SMARCA4: variants seen among roughly 807,000 people sequenced by gnomAD.
The protein encoded by SMARCA4 is SWI/SNF related BAF chromatin remodeling complex subunit ATPase 4.
A neutral mutation model predicts 193.9 loss-of-function variants in SMARCA4; 31 were observed. That is an observed-to-expected ratio of 0.16 (90% CI 0.12 to 0.22). The LOEUF is 0.22. Ranked by LOEUF, SMARCA4 falls within the 10% of genes least tolerant of loss-of-function variation. SMARCA4 has a pLI of 1.00. For synonymous variants in SMARCA4, 942 were observed against 933.1 expected (o/e 1.01, Z -0.17); for missense variants, 1,148 against 2,296.0 (o/e 0.50, Z 10.22).
Position 10,986,942 on chromosome 19 carries a change from G to A in SMARCA4, c.798G>A (p.Ser266=), listed in dbSNP as rs1166644954. 3.1e-6 allele frequency: 5 copies of A among 1,611,756 alleles called. No individual in the cohort carries two copies. The South Asian group carries it at 3.3e-5, about 11-fold the overall frequency. The change falls in exon 5 of 35, where the codon TCG becomes TCA. Residue 266 remains serine, a synonymous_variant. Transcript: ENST00000344626. This position sits in a 1 kb window ranked among gnomAD's most constrained non-coding sequence, Gnocchi z 6.7. The stretch of plus-strand genomic sequence containing the variant: ...CCAACATGCCTCCCCCAGGACCCTC[G>A]GGCGTGCCCCCCGGGATGCCAGGCC... ...GGPNMPPPGP[S]GVPPGMPGQP... is the part of the protein sequence containing the mutation.
intron 21 of SMARCA4, 102 bp downstream of exon 21, chr19:11,024,540 G>A: frequency 1.3e-6 from 1 of 773,860 alleles, no homozygotes; most frequent in Non-Finnish European, 2.3e-6. Context: ...TCATGATCTG[G>A]TCATGATCCC....
At chr19:10,999,262 C>G (rs923517509) in intron 11 of SMARCA4, among the ~76,000 whole-genome samples, 6 of 152,106 alleles carry the variant, frequency 3.9e-5, no homozygotes, top group Non-Finnish European at 7.4e-5. Flanking sequence ...TTTGGGGGTG[C>G]TTCCTGCTAG....
At chr19:10,966,462 CA>C (rs2084227615) in intron 1 of SMARCA4, among the ~76,000 whole-genome samples, 1 of 151,480 alleles carries the variant, frequency 6.6e-6, no homozygotes, top group Non-Finnish European at 1.5e-5. Context: ...CATGGTGTTG[CA>C]CACCTGTAGT....
rs2075072396 is a variant in SMARCA4, at chr19:11,033,559, G to GT, written c.3774+43dup. The GT allele has an allele frequency of 6.8e-7, 1 of 1,465,938 alleles. No homozygotes were observed. Among genetic ancestry groups the GT allele is most frequent in the African/African-American group, 1.4e-5 (1 of 72,156 alleles). The allele number at this position is 1,465,938 out of a possible 1,614,324, so 90.8% of individuals were successfully genotyped here. ...CCCCGACCCCTCCCCAGCGTGAATGGTGGACGCGTGAGCGGCTTTCATTTT... is the reference window on the plus strand; with the variant it reads ...CCCCGACCCCTCCCCAGCGTGAATGGTTGGACGCGTGAGCGGCTTTCATTTT... On this transcript the variant is annotated intron_variant, in intron 26 of 34. Transcript: ENST00000344626. The surrounding 1 kb of genome is among the most constrained non-coding windows in gnomAD (Gnocchi z 9.8).
chr19:11,013,222 A>G (rs1216543676), intron 16 of SMARCA4, 110 bp downstream of exon 16: 5 of 1,311,136 alleles, frequency 3.8e-6, no homozygotes, highest in African/African-American at 1.5e-5. Flanking sequence ...AATTACAGAA[A>G]TTTGTTTTCC....
At position 11,008,040 on chromosome 19, in the gene SMARCA4, C is replaced by G. The variant is rs1459569634; in HGVS notation, c.2123+17C>G. ...CATCATTGAGTAAGGGGTCCCGACA[C>G]AGGTTGTTCTGTGCCAGCTTCCTGT... On this transcript the variant is annotated intron_variant, in intron 14 of 34. Transcript: ENST00000344626. The G allele has an allele frequency of 1.2e-6, 2 of 1,610,824 alleles. No individual in the cohort carries two copies. Among genetic ancestry groups the G allele is most frequent in the Non-Finnish European group, 1.7e-6 (2 of 1,178,272 alleles).
chr19:10,972,409 T>A (rs1201665220), intron 1 of SMARCA4, among the ~76,000 whole-genome samples: 2 of 151,974 alleles, frequency 1.3e-5, no homozygotes, highest in Non-Finnish European at 2.9e-5. Flanking sequence ...AATACTTTTT[T>A]TTTTTTTTAA....
At chr19:11,022,001 T>A (rs1568487411) in intron 19 of SMARCA4, 34 bp downstream of exon 19, 7 of 1,611,120 alleles carry the variant, frequency 4.3e-6, no homozygotes, top group Non-Finnish European at 5.9e-6. Flanking sequence ...TGCTGACGGT[T>A]CCAGGTGCGG....
At chr19:11,047,191 G>T (rs1002914542) in intron 30 of SMARCA4, among the ~76,000 whole-genome samples, 2 of 152,064 alleles carry the variant, frequency 1.3e-5, no homozygotes, top group Non-Finnish European at 2.9e-5. Flanking sequence ...TTGCAGTTAT[G>T]ATTTATTACA....
intron 18 of SMARCA4, chr19:11,020,996 A>G (rs1467127347): frequency 3.8e-5 from 6 of 156,772 alleles, no homozygotes; most frequent in Non-Finnish European, 8.5e-5. Flanking sequence ...CCCGGAGCCA[A>G]CAAGGGAGGA....
intron 34 of SMARCA4, 63 bp from the exon 35 acceptor site, chr19:11,061,721 C>G (rs180785286): frequency 2.7e-6 from 4 of 1,506,914 alleles, no homozygotes; most frequent in Non-Finnish European, 3.7e-6. Context: ...TTTGGCAGGT[C>G]CCTGGCAAGG....
At position 10,985,224 on chromosome 19, in the gene SMARCA4, A is replaced by G. The variant is rs148835854; in HGVS notation, c.223-49A>G. On this transcript the variant is annotated intron_variant, in intron 2 of 34. Transcript: ENST00000344626. The surrounding 1 kb of genome is among the most constrained non-coding windows in gnomAD (Gnocchi z 4.5). The stretch of plus-strand genomic sequence containing the variant: ...TCGGGCAGCGCATAGCTGCGCTGCC[A>G]CCTCACGTTCCACATGCTGACCCTG... 8.8e-4 allele frequency: 1,411 copies of G among 1,609,882 alleles called. 10 individuals carry two copies. In the African/African-American group the frequency reaches 0.016, roughly 18 times the overall value.
Position 11,059,901 on chromosome 19 carries a change from GT to G in SMARCA4, c.4768+18del, listed in dbSNP as rs2147117603. 3 of 1,613,754 alleles carry G rather than the reference GT, an allele frequency of 1.9e-6. No individual in the cohort carries two copies. Among genetic ancestry groups the G allele is most frequent in the Non-Finnish European group, 2.5e-6 (3 of 1,180,000 alleles). ...GAATCCGAATGTGAGTCCCGGGGGG[GT>G]TCAGGACGCCGGGGTTCACGCTGGC... On this transcript the variant is annotated intron_variant, in intron 33 of 34. Transcript: ENST00000344626.
chr19:11,024,163 C>T (rs746907225), intron 20 of SMARCA4, among the ~76,000 whole-genome samples, 168 bp from the exon 21 acceptor site: 3 of 152,172 alleles, frequency 2.0e-5, no homozygotes, highest in Non-Finnish European at 2.9e-5. Context: ...TCTCATTGCC[C>T]AGGTCTCCCC....
At chr19:10,964,266 G>T (rs993439228) in intron 1 of SMARCA4, among the ~76,000 whole-genome samples, 3 of 152,074 alleles carry the variant, frequency 2.0e-5, no homozygotes, top group Non-Finnish European at 4.4e-5. Context: ...GGGAGCATGG[G>T]AGGGACTAGG....
chr19:11,015,609 C>T (rs915017314), intron 16 of SMARCA4, among the ~76,000 whole-genome samples: 12 of 152,312 alleles, frequency 7.9e-5, no homozygotes, highest in African/African-American at 2.2e-4. Flanking sequence ...TACTTCGACA[C>T]TTGTGAATAT....
At chr19:10,981,652 C>T (rs1029423506) in intron 1 of SMARCA4, among the ~76,000 whole-genome samples, 2 of 152,172 alleles carry the variant, frequency 1.3e-5, no homozygotes, top group African/African-American at 4.8e-5. Context: ...GGAATGAGGT[C>T]ATTTTGAGCC....
In SMARCA4 at chr19:11,021,835, G is replaced by A. The variant is rs1216679238; in HGVS notation, c.2727G>A (p.Leu909=). The change falls in exon 19 of 35, where the codon CTG becomes CTA. Residue 909 remains leucine, a synonymous_variant. Coordinates refer to ENST00000344626, the MANE Select transcript of SMARCA4 (RefSeq NM_003072.5). ...ATGTGGCACCCCGCCGCCTGCTGCT[G>A]ACGGGCACACCGCTGCAGAACAAGC... ...THYVAPRRLL[L]TGTPLQNKLP... is the part of the protein sequence containing the mutation. 6.2e-7 allele frequency: 1 copy of A among 1,613,774 alleles called. No homozygotes were observed. Among genetic ancestry groups the A allele is most frequent in the South Asian group, 1.1e-5 (1 of 91,090 alleles).
intron 15 of SMARCA4, chr19:11,010,841 A>C (rs2088762494): frequency 2.3e-6 from 1 of 427,104 alleles, no homozygotes; most frequent in African/African-American, 2.0e-5. Flanking sequence ...AGGAGCAGAG[A>C]GGTGCAGCAC....
Sources: gnomAD v4.1 joint callset for allele counts (sites outside exome capture counted in the v4.1 genomes callset) on GRCh38, gnomAD v4.1.1 for gene constraint, Gnocchi (gnomAD v3.1) non-coding constraint, MANE v1.5 for transcripts, NCBI Gene and HGNC (gene_info 2026-07-23, HGNC 2026-07-21) for gene names.